Variants in COL15A1 observed in about 807,000 individuals in gnomAD.
COL15A1 encodes the protein collagen alpha-1(XV) chain.
Under a neutral mutation model 165.9 loss-of-function variants are expected in COL15A1, and 111 were observed. The observed-to-expected ratio is 0.67, with a 90% CI of 0.57 to 0.78. The LOEUF (loss-of-function observed/expected upper bound fraction) is 0.78, where lower values mean the gene tolerates loss of function less well. Among genes scored for constraint, COL15A1 ranks in the 30% least tolerant of loss-of-function variants. COL15A1 has a pLI of 0.00. For synonymous variants in COL15A1, 659 were observed against 674.8 expected, an observed-to-expected ratio of 0.98 and a Z score of 0.36; for missense variants, 1,745 against 1,789.7, an observed-to-expected ratio of 0.98 and a Z score of 0.45.
At chr9:98,958,111 C>A (rs1215975528) in intron 2 of COL15A1, among the ~76,000 whole-genome samples, 1 of 152,234 alleles carries the variant, frequency 6.6e-6, no homozygotes, top group Non-Finnish European at 1.5e-5. Context: ...GGCAACAGTG[C>A]GGGACATGGT....
intron 2 of COL15A1, among the ~76,000 whole-genome samples, chr9:98,955,553 C>T (rs1186941908): frequency 6.6e-6 from 1 of 152,162 alleles, no homozygotes; most frequent in Non-Finnish European, 1.5e-5. Context: ...AGTCTATGTG[C>T]GCCTCCAGCC....
chr9:98,996,383 G>C (rs1838543124), intron 5 of COL15A1, among the ~76,000 whole-genome samples: 1 of 152,212 alleles, frequency 6.6e-6, no homozygotes, highest in Non-Finnish European at 1.5e-5. Flanking sequence ...AGCACTCTGT[G>C]TTTCTGTTGG....
At chr9:98,959,069 G>A (rs183332620) in intron 2 of COL15A1, among the ~76,000 whole-genome samples, 48 of 151,688 alleles carry the variant, frequency 3.2e-4, no homozygotes, top group African/African-American at 1.2e-3. Flanking sequence ...TTTCATACCT[G>A]GAAAGAGTAT....
At position 99,056,271 on chromosome 9, in the gene COL15A1, G is replaced by A. The variant is rs199676435; in HGVS notation, c.3204G>A (p.Gly1068=). ...PGNPGPAGQK[G]ETVVGPQGPP... is the part of the protein sequence containing the mutation. ...GCTTGCCTTGACAGGGCCAAAAAGG[G>A]GAGACAGTCGTTGGGCCCCAAGGAC... Residue 1068 remains glycine (G), a synonymous_variant, in exon 35 of 42, where the codon GGG becomes GGA. Transcript: ENST00000375001. 1.2e-3 allele frequency: 1,910 copies of A among 1,614,204 alleles called. 30 individuals are homozygous for A. In the South Asian group the frequency reaches 0.012, roughly 10 times the overall value.
intron 2 of COL15A1, among the ~76,000 whole-genome samples, chr9:98,979,993 C>G (rs954517309): frequency 6.6e-6 from 1 of 151,706 alleles, no homozygotes; most frequent in African/African-American, 2.4e-5. Flanking sequence ...CCTGTCTCTA[C>G]AAAAAAATGA....
intron 9 of COL15A1, among the ~76,000 whole-genome samples, chr9:99,010,548 A>G (rs1190139271): frequency 6.6e-6 from 1 of 152,140 alleles, no homozygotes; most frequent in East Asian, 1.9e-4. Context: ...TCCTCAAACA[A>G]CAGGCTCTAG....
chr9:98,999,648 A>G (rs990712445), intron 6 of COL15A1, among the ~76,000 whole-genome samples: 4 of 150,500 alleles, frequency 2.7e-5, no homozygotes, highest in Non-Finnish European at 4.4e-5. Flanking sequence ...GCTCCTGAGC[A>G]GCTGGGTCTA....
intron 16 of COL15A1, among the ~76,000 whole-genome samples, chr9:99,033,612 C>T (rs1248239301): frequency 6.6e-6 from 1 of 152,202 alleles, no homozygotes; most frequent in East Asian, 1.9e-4. Flanking sequence ...TGCCACTCCC[C>T]ATCTTATTTT....
chr9:98,987,798 C>T (rs1838341345), intron 4 of COL15A1, among the ~76,000 whole-genome samples: 1 of 152,232 alleles, frequency 6.6e-6, no homozygotes, highest in Admixed American at 6.5e-5. Flanking sequence ...ACTCCTTCTT[C>T]CCTCCCTCTA....
chr9:99,063,751 G>A (rs1042446027), intron 39 of COL15A1, among the ~76,000 whole-genome samples: 2 of 152,202 alleles, frequency 1.3e-5, no homozygotes, highest in South Asian at 2.1e-4. Context: ...TAGAATCACA[G>A]CAGTGAGCCC....
rs1423878720 is a variant in COL15A1 at position 99,022,075 on chromosome 9, A to G, written c.1702-16A>G. 2 of 1,613,742 alleles carry G rather than the reference A, an allele frequency of 1.2e-6. No homozygotes were observed. The highest frequency in any genetic ancestry group is 1.7e-6 in the Non-Finnish European group (2 of 1,179,834). ...ACAGAGTTCCAGCCGTTCACTGACCATTTTGTTCTCTTTAGGGTGATGCTG... is the reference window on the plus strand; with the variant it reads ...ACAGAGTTCCAGCCGTTCACTGACCGTTTTGTTCTCTTTAGGGTGATGCTG... On this transcript the variant is annotated splice_polypyrimidine_tract_variant and intron_variant, in intron 12 of 41. Transcript: ENST00000375001.
chr9:99,043,946 A>G (rs1839452776), intron 24 of COL15A1, among the ~76,000 whole-genome samples: 1 of 152,196 alleles, frequency 6.6e-6, no homozygotes, highest in South Asian at 2.1e-4. Flanking sequence ...AATGTCTGGG[A>G]TAGCTTTGCC....
chr9:98,990,634 G>T (rs531734199), intron 5 of COL15A1, among the ~76,000 whole-genome samples: 4 of 152,238 alleles, frequency 2.6e-5, no homozygotes. Context: ...CTTAGAGAGG[G>T]ACAGGAAAGG....
chr9:98,950,740 G>A (rs1346848599), intron 2 of COL15A1, among the ~76,000 whole-genome samples: 2 of 151,672 alleles, frequency 1.3e-5, no homozygotes, highest in African/African-American at 2.4e-5. Flanking sequence ...TTAGCCTCCC[G>A]AGTAGCTGAG....
At chr9:98,986,398 G>A in intron 3 of COL15A1, 1 of 340,578 alleles carries the variant, frequency 2.9e-6, no homozygotes, top group Non-Finnish European at 5.4e-6. Context: ...AGTCTTGTAG[G>A]TCAAATAAGA....
chr9:98,966,617 G>A (rs1246016905), intron 2 of COL15A1, among the ~76,000 whole-genome samples: 1 of 152,226 alleles, frequency 6.6e-6, no homozygotes, highest in East Asian at 1.9e-4. Flanking sequence ...GAGGCAGCTG[G>A]AAATGAGTCT....
At chr9:99,009,854 T>G (rs1838821956) in intron 9 of COL15A1, among the ~76,000 whole-genome samples, 1 of 152,238 alleles carries the variant, frequency 6.6e-6, no homozygotes, top group East Asian at 1.9e-4. Context: ...CCATAAGCCT[T>G]TTTATAACCT....
In COL15A1 at chr9:99,038,749, T is replaced by A. The variant is rs200044098; in HGVS notation, c.2475+16T>A. The A allele has an allele frequency of 1.3e-6, 2 of 1,556,552 alleles. No individual in the cohort carries two copies. Among genetic ancestry groups the A allele is most frequent in the Non-Finnish European group, 1.8e-6 (2 of 1,128,054 alleles). ...GGGGCCTCCGGTTGGTATCTACAGC[T>A]GCCCCAGAATGTGGCTTTTACCCAG... On this transcript the variant is annotated intron_variant, in intron 22 of 41. Transcript: ENST00000375001.
chr9:99,007,656 A>T (rs1185066137), intron 9 of COL15A1, among the ~76,000 whole-genome samples: 1 of 152,220 alleles, frequency 6.6e-6, no homozygotes, highest in African/African-American at 2.4e-5. Flanking sequence ...AGGTCATATT[A>T]CTCTGAAGTC....
Sources: allele counts gnomAD v4.1 joint callset (sites outside exome capture counted in the v4.1 genomes callset), GRCh38; gene constraint gnomAD v4.1.1; transcripts MANE v1.5; gene names NCBI Gene and HGNC (gene_info 2026-07-23, HGNC 2026-07-21).